The following SPHKAP variants were observed in gnomAD, a reference collection of about 807,000 sequenced individuals.
The protein encoded by SPHKAP is A-kinase anchor protein SPHKAP.
Under a neutral mutation model 137.5 loss-of-function variants are expected in SPHKAP, and 67 were observed. The ratio of observed to expected loss-of-function variants is 0.49; its 90% CI spans 0.40 to 0.60. The LOEUF is 0.60. Among genes scored for constraint, SPHKAP ranks in the 20% least tolerant of loss-of-function variants. The pLI is 0.00. For synonymous variants in SPHKAP, 813 were observed against 785.3 expected (o/e 1.04, Z -0.59); for missense variants, 2,097 against 2,069.3 (o/e 1.01, Z -0.26).
intron 9 of SPHKAP, among the ~76,000 whole-genome samples, chr2:227,993,296 T>C (rs1235900719): frequency 1.3e-5 from 2 of 152,242 alleles, no homozygotes; most frequent in Admixed American, 1.3e-4. Flanking sequence ...CTTCAGATTA[T>C]ATTGATAAGT....
chr2:228,002,717 T>A (rs1339294531), intron 7 of SPHKAP, among the ~76,000 whole-genome samples: 1 of 152,222 alleles, frequency 6.6e-6, no homozygotes, highest in Non-Finnish European at 1.5e-5. Context: ...CATGTAAGTC[T>A]TTAATCCATC....
intron 11 of SPHKAP, among the ~76,000 whole-genome samples, chr2:227,983,520 T>C (rs1228847479): frequency 1.3e-5 from 2 of 152,138 alleles, no homozygotes; most frequent in South Asian, 4.1e-4. Flanking sequence ...TAGCCATCTT[T>C]TCATATCTCG....
intron 2 of SPHKAP, among the ~76,000 whole-genome samples, chr2:228,111,329 T>C (rs1170714735): frequency 6.6e-6 from 1 of 152,160 alleles, no homozygotes; most frequent in Non-Finnish European, 1.5e-5. Context: ...ACTACTCATC[T>C]GGTGGGATCA....
Position 227,995,646 on chromosome 2 carries a change from T to G in SPHKAP, c.4497A>C (p.Glu1499Asp), listed in dbSNP as rs1207522060. Residue 1499 changes from glutamate to aspartate, a missense_variant, in exon 8 of 12, where the codon GAA (glutamate) becomes GAC (aspartate). Glu to Asp is a conservative substitution (Grantham distance 45, BLOSUM62 2). Transcript: ENST00000392056. The part of the protein sequence containing the change: ...RDVPEAEAST[E>D]ARAPDEAPNP... ...TGGGGGCCTCATCGGGGGCTCTGGC[T>G]TCTGTGGAGGCTTCAGCCTCTGGTA... The G allele has an allele frequency of 3.7e-6, 6 of 1,613,022 alleles. No homozygotes were observed. The Admixed American group carries it at 1.0e-4, about 27-fold the overall frequency.
intron 1 of SPHKAP, among the ~76,000 whole-genome samples, chr2:228,166,319 T>C (rs907329328): frequency 3.9e-5 from 6 of 152,228 alleles, no homozygotes; most frequent in African/African-American, 1.4e-4. Flanking sequence ...ATTTCCCTTA[T>C]ATTATTTTGA....
In SPHKAP at chr2:228,045,269, A is replaced by T. The variant is rs1201077503; in HGVS notation, c.247-17726T>A. On this transcript the variant is annotated intron_variant, in intron 3 of 11. Coordinates refer to ENST00000392056, the MANE Select transcript of SPHKAP (RefSeq NM_001142644.2). ...CTGGGTATATACCCAAAGGATTATA[A>T]ATCATGCTGCTATAAAGACACATGC... 1.3e-5 allele frequency among the ~76,000 whole-genome samples: 2 copies of T among 150,752 alleles called. 1 individual carries two copies. Among genetic ancestry groups the T allele is most frequent in the Non-Finnish European group, 3.0e-5 (2 of 67,796 alleles).
At chr2:228,078,381 T>G (rs112711769) in intron 3 of SPHKAP, among the ~76,000 whole-genome samples, 28 of 89,800 alleles carry the variant, frequency 3.1e-4, no homozygotes, top group African/African-American at 1.3e-3. Flanking sequence ...GTTGGCAGAC[T>G]TTTTTTTTTT....
At chr2:228,104,822 T>C (rs1293282003) in intron 3 of SPHKAP, among the ~76,000 whole-genome samples, 2 of 152,180 alleles carry the variant, frequency 1.3e-5, no homozygotes, top group African/African-American at 4.8e-5. Flanking sequence ...ACAGTAACTA[T>C]GAATAGAAAT....
rs111334991 is a variant in SPHKAP at position 228,001,084 on chromosome 2, T to C, written c.4449-5390A>G. 1.8e-3 allele frequency among the ~76,000 whole-genome samples: 269 copies of C among 152,138 alleles called. 1 individual carries two copies. The highest frequency in any genetic ancestry group is 6.2e-3 in the African/African-American group (259 of 41,532). On this transcript the variant is annotated intron_variant, in intron 7 of 11. Transcript: ENST00000392056. ...TATTTTGAATTTTGGGATTCTAATA[T>C]GTATGTGGTGGTATCTGATTGTTTT...
At chr2:228,180,187 G>C (rs1700859802) in intron 1 of SPHKAP, among the ~76,000 whole-genome samples, 3 of 152,156 alleles carry the variant, frequency 2.0e-5, no homozygotes, top group African/African-American at 7.2e-5. Context: ...CTTAAGAGCT[G>C]CTTCAAGGAG....
At chr2:228,002,592 T>C (rs749218995) in intron 7 of SPHKAP, among the ~76,000 whole-genome samples, 2 of 152,262 alleles carry the variant, frequency 1.3e-5, no homozygotes, top group African/African-American at 2.4e-5. Flanking sequence ...TTTGTCTATG[T>C]TGGCTTCTGT....
intron 7 of SPHKAP, among the ~76,000 whole-genome samples, chr2:228,002,511 G>T (rs991704855): frequency 2.6e-5 from 4 of 152,112 alleles, no homozygotes; most frequent in Admixed American, 6.5e-5. Flanking sequence ...CTCCCATTTT[G>T]TAGGTTGCCT....
intron 3 of SPHKAP, among the ~76,000 whole-genome samples, chr2:228,030,554 A>AAAAAAAAAAAAG (rs144401199): frequency 4.3e-5 from 6 of 140,188 alleles, no homozygotes; most frequent in Admixed American, 7.4e-5. Flanking sequence ...AAAAAAAAAA[A>AAAAAAAAAAAAG]AATAAAAAAA....
intron 1 of SPHKAP, among the ~76,000 whole-genome samples, chr2:228,133,260 T>C (rs551374230): frequency 6.3e-4 from 96 of 152,096 alleles, no homozygotes; most frequent in South Asian, 1.0e-3. Context: ...TGAGCTGAGA[T>C]GGTGCCACTG....
intron 2 of SPHKAP, among the ~76,000 whole-genome samples, chr2:228,115,319 C>G (rs1226491589): frequency 2.6e-5 from 4 of 152,034 alleles, no homozygotes; most frequent in Non-Finnish European, 5.9e-5. Context: ...CTTGCTGTCA[C>G]CTTGGACTAT....
intron 3 of SPHKAP, among the ~76,000 whole-genome samples, chr2:228,096,447 T>C (rs1236225446): frequency 1.3e-5 from 2 of 151,998 alleles, no homozygotes; most frequent in African/African-American, 2.4e-5. Flanking sequence ...GACAAGCCCC[T>C]CTCCCTGCCC....
chr2:228,122,583 A>G (rs1698947673), intron 2 of SPHKAP, among the ~76,000 whole-genome samples: 1 of 152,198 alleles, frequency 6.6e-6, no homozygotes, highest in African/African-American at 2.4e-5. Context: ...GGGTCACCAC[A>G]TTGACATCTT....
At chr2:228,043,746 T>C (rs1695933258) in intron 3 of SPHKAP, among the ~76,000 whole-genome samples, 5 of 152,196 alleles carry the variant, frequency 3.3e-5, no homozygotes, top group South Asian at 4.1e-4. Context: ...ACAGACGTGA[T>C]AAATTGAACA....
intron 3 of SPHKAP, among the ~76,000 whole-genome samples, chr2:228,066,964 G>A (rs1168843984): frequency 6.6e-6 from 1 of 152,098 alleles, no homozygotes; most frequent in African/African-American, 2.4e-5. Context: ...CATGCATCCT[G>A]TTTCATTATG....
Sources: allele counts gnomAD v4.1 joint callset (sites outside exome capture counted in the v4.1 genomes callset), GRCh38; gene constraint gnomAD v4.1.1; transcripts MANE v1.5; gene names NCBI Gene and HGNC (gene_info 2026-07-23, HGNC 2026-07-21).